CHRNA2: variants seen among roughly 807,000 people sequenced by gnomAD.
CHRNA2 encodes cholinergic receptor nicotinic alpha 2 subunit, also known as neuronal acetylcholine receptor subunit alpha-2.
In CHRNA2, 40 loss-of-function variants were observed where a neutral mutation model predicts 45.5. The ratio of observed to expected loss-of-function variants is 0.88; its 90% CI spans 0.68 to 1.15. The LOEUF is 1.15. Ranked by LOEUF, CHRNA2 falls within the 50% of genes most tolerant of loss-of-function variation. The pLI, the probability that CHRNA2 is intolerant of heterozygous loss-of-function variation, is 0.00. For missense variants in CHRNA2, 655 were observed against 701.7 expected (o/e 0.93, Z 0.75); for synonymous variants, 301 against 296.7 (o/e 1.01, Z -0.15).
chr8:27,464,469 A>AGCATTCAAAGCATCTCTTCCAAAGTTCGT (rs1812635725), intron 5 of CHRNA2, among the ~76,000 whole-genome samples: 1 of 152,148 alleles, frequency 6.6e-6, no homozygotes, highest in Non-Finnish European at 1.5e-5. Flanking sequence ...AGAAGGAGAT[A>AGCATTCAAAGCATCTCTTCCAAAGTTCGT]GCATTCAAAG....
intron 4 of CHRNA2, 72 bp from the exon 5 acceptor site, chr8:27,467,410 G>T (rs1812733834): frequency 8.0e-7 from 1 of 1,242,558 alleles, no homozygotes; most frequent in Non-Finnish European, 1.2e-6. Context: ...GCACACCCCG[G>T]GGATGCCCAG....
chr8:27,475,105 T>C (rs1407872348), intron 1 of CHRNA2: 2 of 152,230 alleles, frequency 1.3e-5, no homozygotes, highest in African/African-American at 4.8e-5. Flanking sequence ...AATTTCCCAC[T>C]ATCAACATGT....
rs2280375 is a variant in CHRNA2, at chr8:27,459,820, A to G, written c.*1809T>C. ...TTCACATGCAAGATGGATGGGAGACATGGATAACAGAAGTGAACATCACTG... is the reference window on the plus strand; with the variant it reads ...TTCACATGCAAGATGGATGGGAGACGTGGATAACAGAAGTGAACATCACTG... On this transcript the variant is annotated 3_prime_UTR_variant, in exon 7 of 7. Transcript: ENST00000407991. The G allele has an allele frequency of 0.86, 130,545 of 152,306 alleles. 56,264 individuals are homozygous for G. Among genetic ancestry groups the G allele is most frequent in the Middle Eastern group, 0.94 (277 of 294 alleles). The allele number at this position is 152,306 out of a possible 1,614,324, so 9.4% of individuals were successfully genotyped here.
chr8:27,478,367 T>C (rs910558626), intron 1 of CHRNA2, among the ~76,000 whole-genome samples: 1 of 152,220 alleles, frequency 6.6e-6, no homozygotes, highest in East Asian at 1.9e-4. Flanking sequence ...CACCAGCTGA[T>C]GGAGGAATCC....
At chr8:27,461,781 A>T (rs756820138) in intron 6 of CHRNA2, 27 bp from the exon 7 acceptor site, 4 of 1,613,752 alleles carry the variant, frequency 2.5e-6, no homozygotes, top group African/African-American at 1.3e-5. Context: ...ACACAGTGAC[A>T]GGGGCCAGGC....
rs1358080157 is a variant in CHRNA2 at position 27,463,582 on chromosome 8, GAA to G, written c.859_860del (p.Phe287LeufsTer29). 12 of 1,614,224 alleles carry G rather than the reference GAA, an allele frequency of 7.4e-6. No homozygotes were observed. The South Asian group carries it at 1.2e-4, about 16-fold the overall frequency. ...TCTCGCCGCAGTCGGAGGGCAGGTAGAAGACCAGCACAGTGAGGCAGGAGATG... is the reference window on the plus strand; with the variant it reads ...TCTCGCCGCAGTCGGAGGGCAGGTAGGACCAGCACAGTGAGGCAGGAGATG... ...LLISCLTVLV[F>X]YLPSDCGEKI... On this transcript the variant is annotated frameshift_variant, in exon 6 of 7. Coordinates refer to ENST00000407991, the MANE Select transcript of CHRNA2 (RefSeq NM_000742.4). LOFTEE classifies it high-confidence loss of function. The surrounding 1 kb of genome is among the most constrained non-coding windows in gnomAD (Gnocchi z 6.1).
intron 2 of CHRNA2, 94 bp downstream of exon 2, chr8:27,470,892 G>A (rs55965307): frequency 0.018 from 23,341 of 1,325,650 alleles, 355 homozygotes; most frequent in South Asian, 0.053. Flanking sequence ...CAGCTTTGAC[G>A]GTTGCAACAC....
Position 27,463,259 on chromosome 8 carries a change from A to G in CHRNA2, c.1184T>C (p.Leu395Pro). 1 of 1,600,370 alleles carries G rather than the reference A, an allele frequency of 6.2e-7. No individual in the cohort carries two copies. The highest frequency in any genetic ancestry group is 8.5e-7 in the Non-Finnish European group (1 of 1,170,798). The change falls in exon 6 of 7, where the codon CTG becomes CCG. Residue 395 changes from leucine to proline, a missense_variant. Around this residue, in one of 3 missense-constraint regions of CHRNA2, gnomAD observed 295 missense variants for 280.4 expected, o/e 1.05. Coordinates refer to ENST00000407991, the MANE Select transcript of CHRNA2 (RefSeq NM_000742.4). The surrounding 1 kb of genome is among the most constrained non-coding windows in gnomAD (Gnocchi z 6.1). ...PPVELCHPLR[L>P]KLSPSYHWLE... ...CCAGTGATAAGAGGGGCTGAGCTTCAGGCGTAGGGGGTGGCAGAGCTCCAC... is the reference window on the plus strand; with the variant it reads ...CCAGTGATAAGAGGGGCTGAGCTTCGGGCGTAGGGGGTGGCAGAGCTCCAC...
rs1244752552 is a variant in CHRNA2, at chr8:27,459,801, T to C, written c.*1828A>G. ...GCTTTATTTAATCTCTTTATTCACA[T>C]GCAAGATGGATGGGAGACATGGATA... On this transcript the variant is annotated 3_prime_UTR_variant, in exon 7 of 7. Coordinates refer to ENST00000407991, the MANE Select transcript of CHRNA2 (RefSeq NM_000742.4). 1 of 152,348 alleles carries C rather than the reference T, an allele frequency of 6.6e-6. No individual in the cohort carries two copies. Among genetic ancestry groups the C allele is most frequent in the Non-Finnish European group, 1.5e-5 (1 of 68,134 alleles). 9.4% of individuals were successfully genotyped at this position (152,348 alleles called of 1,614,324 possible).
At position 27,461,150 on chromosome 8, in the gene CHRNA2, C is replaced by G. The variant is rs574004327; in HGVS notation, c.*479G>C. 2.7e-5 allele frequency: 5 copies of G among 186,072 alleles called. No individual in the cohort carries two copies. Among genetic ancestry groups the G allele is most frequent in the Non-Finnish European group, 5.7e-5 (5 of 87,498 alleles). The allele number at this position is 186,072 out of a possible 1,614,324, so 11.5% of individuals were successfully genotyped here. On this transcript the variant is annotated 3_prime_UTR_variant, in exon 7 of 7. Coordinates refer to ENST00000407991, the MANE Select transcript of CHRNA2 (RefSeq NM_000742.4). Reference sequence around the variant, plus strand: ...CTCACCTGGCTCTCCAACCTCCCACCTCACCTGGCTGTTCTCCCTGGCACT... The same window carrying G: ...CTCACCTGGCTCTCCAACCTCCCACGTCACCTGGCTGTTCTCCCTGGCACT...
intron 1 of CHRNA2, among the ~76,000 whole-genome samples, chr8:27,474,112 G>T (rs1156787435): frequency 6.6e-6 from 1 of 152,316 alleles, no homozygotes; most frequent in East Asian, 1.9e-4. Flanking sequence ...ACTGCAGAGG[G>T]CTGGTCAGGG....
Position 27,465,897 on chromosome 8 carries a change from C to T in CHRNA2, c.449+1332G>A, listed in dbSNP as rs181481810. Among the ~76,000 whole-genome samples the T allele has an allele frequency of 4.4e-4, 67 of 152,262 alleles. No homozygotes were observed. In the East Asian group the frequency reaches 4.4e-3, roughly 10 times the overall value. ...CCATCTCTAAATGTAAGCAAGACTT[C>T]GGCTTGGAATTTTGTCCCCCACCAA... is the stretch of plus-strand genomic sequence containing the variant. On this transcript the variant is annotated intron_variant, in intron 5 of 6. Transcript: ENST00000407991.
At chr8:27,472,521 G>C (rs2132673479) in intron 1 of CHRNA2, among the ~76,000 whole-genome samples, 1 of 152,326 alleles carries the variant, frequency 6.6e-6, no homozygotes, top group Non-Finnish European at 1.5e-5. Context: ...GTTGATTGTT[G>C]TGGGGTGAGA....
chr8:27,465,456 G>A (rs1012152128), intron 5 of CHRNA2, among the ~76,000 whole-genome samples: 2 of 151,926 alleles, frequency 1.3e-5, no homozygotes, highest in African/African-American at 4.8e-5. Context: ...TTTTTGAGGC[G>A]GAATCTCACT....
chr8:27,478,074 C>T (rs1813114825), intron 1 of CHRNA2, among the ~76,000 whole-genome samples: 1 of 152,158 alleles, frequency 6.6e-6, no homozygotes, highest in Non-Finnish European at 1.5e-5. Context: ...TTTTTACTAA[C>T]ATTTCCTTCT....
chr8:27,461,943 G>C (rs1812506305), intron 6 of CHRNA2, among the ~76,000 whole-genome samples, 189 bp from the exon 7 acceptor site: 2 of 152,178 alleles, frequency 1.3e-5, no homozygotes, highest in Non-Finnish European at 2.9e-5. Flanking sequence ...CAAGGCTCCA[G>C]TAAGCTCCAC....
chr8:27,466,675 C>A (rs1282220536), intron 5 of CHRNA2, among the ~76,000 whole-genome samples: 2 of 152,118 alleles, frequency 1.3e-5, no homozygotes, highest in Non-Finnish European at 2.9e-5. Flanking sequence ...CTATTTATTC[C>A]ATCAAAATAT....
chr8:27,463,337 G>T lies in CHRNA2; in HGVS notation c.1106C>A (p.Ala369Asp). 1 of 1,613,792 alleles carries T rather than the reference G, an allele frequency of 6.2e-7. No homozygotes were observed. The highest frequency in any genetic ancestry group is 8.5e-7 in the Non-Finnish European group (1 of 1,179,932). Residue 369 changes from alanine to aspartate, a missense_variant, in exon 6 of 7, where the codon GCC becomes GAC. This residue lies in a region of CHRNA2 where 295 missense variants were observed against 280.4 expected (regional missense o/e 1.05). Coordinates refer to ENST00000407991, the MANE Select transcript of CHRNA2 (RefSeq NM_000742.4). This position sits in a 1 kb window ranked among gnomAD's most constrained non-coding sequence, Gnocchi z 6.1. ...THTMPHWVRG[A>D]LLGCVPRWLL... The stretch of plus-strand genomic sequence containing the variant: ...CCACCGGGGCACACAGCCCAGAAGG[G>T]CCCCCCGCACCCAGTGGGGCATGGT...
rs967209575 is a variant in CHRNA2 at position 27,461,136 on chromosome 8, C to T, written c.*493G>A. The T allele has an allele frequency of 8.6e-5, 16 of 186,498 alleles. No individual in the cohort carries two copies. The highest frequency in any genetic ancestry group is 3.5e-4 in the African/African-American group (15 of 42,760). The allele number at this position is 186,498 out of a possible 1,614,324, so 11.6% of individuals were successfully genotyped here. A position where few individuals can be genotyped will look rare whatever the true frequency, so the allele number is the denominator to read the frequency against. On this transcript the variant is annotated 3_prime_UTR_variant, in exon 7 of 7. Transcript: ENST00000407991. ...TGACTTACAGAGACCTCACCTGGCT[C>T]TCCAACCTCCCACCTCACCTGGCTG...
Sources: gnomAD v4.1 joint callset for allele counts (sites outside exome capture counted in the v4.1 genomes callset) on GRCh38, gnomAD v4.1.1 for gene constraint, gnomAD v4.1.1 regional missense constraint, Gnocchi (gnomAD v3.1) non-coding constraint, MANE v1.5 for transcripts, NCBI Gene and HGNC (gene_info 2026-07-23, HGNC 2026-07-21) for gene names.